The following PDE1A variants were observed in gnomAD, a reference collection of about 807,000 sequenced individuals.
The protein encoded by PDE1A is dual specificity calcium/calmodulin-dependent 3',5'-cyclic nucleotide phosphodiesterase 1A.
Under a neutral mutation model 61.7 loss-of-function variants are expected in PDE1A, and 35 were observed. That is an observed-to-expected ratio of 0.57 (90% CI 0.43 to 0.75). PDE1A has a LOEUF of 0.75. Ranked by LOEUF, PDE1A falls within the 30% of genes least tolerant of loss-of-function variation. The probability of loss-of-function intolerance (pLI) is 0.00; values close to 1 mark genes in which losing one functional copy is unlikely to be tolerated. For missense variants in PDE1A, 597 were observed against 630.6 expected, an observed-to-expected ratio of 0.95 and a Z score of 0.57; for synonymous variants, 232 against 213.2, an observed-to-expected ratio of 1.09 and a Z score of -0.77.
chr2:182,201,667 C>CAA (rs775589655), intron 9 of PDE1A, 21 bp downstream of exon 9: 2 of 1,186,582 alleles, frequency 1.7e-6, no homozygotes, highest in Non-Finnish European at 1.2e-6. Context: ...AAAAAAACAA[C>CAA]AAAAAAAACA....
chr2:182,372,174 C>T (rs1008186392), intron 1 of PDE1A, among the ~76,000 whole-genome samples: 5 of 152,168 alleles, frequency 3.3e-5, no homozygotes, highest in East Asian at 1.9e-4. Flanking sequence ...GTGAGTTTTC[C>T]GAAGATACAG....
chr2:182,651,496 G>A, the PDE1A span, among the ~76,000 whole-genome samples: 2 of 152,140 alleles, frequency 1.3e-5, no homozygotes, highest in Non-Finnish European at 2.9e-5. Flanking sequence ...AGTTAGAACA[G>A]ACAAAAATAT....
At chr2:182,671,621 C>CTTTTTTTT in the PDE1A span, among the ~76,000 whole-genome samples, 2 of 124,312 alleles carry the variant, frequency 1.6e-5, no homozygotes, top group East Asian at 2.4e-4. Context: ...CTTTCTTTTT[C>CTTTTTTTT]TTTTTTTTTT....
chr2:182,489,971 C>T (rs1171982461), intron 2 of PDE1A, among the ~76,000 whole-genome samples: 2 of 93,856 alleles, frequency 2.1e-5, no homozygotes, highest in Non-Finnish European at 4.4e-5. Context: ...CTGGGACATT[C>T]CAAAATTCCA....
chr2:182,228,606 A>G (rs899961351), intron 6 of PDE1A, among the ~76,000 whole-genome samples: 1 of 152,194 alleles, frequency 6.6e-6, no homozygotes, highest in African/African-American at 2.4e-5. Context: ...TTTTTAATGT[A>G]GAGAAAACTT....
intron 2 of PDE1A, among the ~76,000 whole-genome samples, chr2:182,486,824 A>T (rs535368248): frequency 6.6e-6 from 1 of 152,304 alleles, no homozygotes; most frequent in Admixed American, 6.5e-5. Flanking sequence ...AATATTACAA[A>T]GACTTCTAGT....
At chr2:182,203,158 AC>A (rs1686807678) in intron 8 of PDE1A, among the ~76,000 whole-genome samples, 1 of 152,032 alleles carries the variant, frequency 6.6e-6, no homozygotes, top group Non-Finnish European at 1.5e-5. Flanking sequence ...TACTAAAAAT[AC>A]AAAAAAAAAA....
upstream of PDE1A, among the ~76,000 whole-genome samples, chr2:182,428,289 C>A (rs2125620812): frequency 6.6e-6 from 1 of 152,044 alleles, no homozygotes; most frequent in African/African-American, 2.4e-5. Flanking sequence ...TATTTCTTTC[C>A]AGCTTTAATG....
intron 1 of PDE1A, among the ~76,000 whole-genome samples, chr2:182,305,415 G>A (rs1695515623): frequency 6.6e-6 from 1 of 152,042 alleles, no homozygotes; most frequent in South Asian, 2.1e-4. Context: ...AGATGAGCCT[G>A]TGTTTCAATA....
chr2:182,366,747 TC>T (rs1254291017), intron 1 of PDE1A, among the ~76,000 whole-genome samples: 1 of 152,052 alleles, frequency 6.6e-6, no homozygotes, highest in Non-Finnish European at 1.5e-5. Flanking sequence ...TACTATGGTA[TC>T]CCGCTTCTAT....
chr2:182,688,981 C>T, the PDE1A span, among the ~76,000 whole-genome samples: 767 of 152,194 alleles, frequency 5.0e-3, 12 homozygotes, highest in African/African-American at 0.018. Context: ...GAGCTAACTA[C>T]CCTAAATATA....
At chr2:182,156,763 C>T (rs1691104261) in intron 13 of PDE1A, among the ~76,000 whole-genome samples, 1 of 152,010 alleles carries the variant, frequency 6.6e-6, no homozygotes, top group African/African-American at 2.4e-5. Context: ...AGCAGCAAGG[C>T]CTGCACAAGT....
At chr2:182,317,429 C>A (rs1330758316) in intron 1 of PDE1A, among the ~76,000 whole-genome samples, 4 of 152,088 alleles carry the variant, frequency 2.6e-5, no homozygotes, top group Non-Finnish European at 4.4e-5. Context: ...AAGTATTATG[C>A]ATGCCATGGC....
chr2:182,184,654 G>C (rs181390521), intron 13 of PDE1A, among the ~76,000 whole-genome samples: 1 of 152,186 alleles, frequency 6.6e-6, no homozygotes, highest in East Asian at 1.9e-4. Flanking sequence ...ATATCATAAG[G>C]GTAAATATGT....
chr2:182,200,516 G>C (rs757038203), intron 10 of PDE1A, among the ~76,000 whole-genome samples: 2 of 152,268 alleles, frequency 1.3e-5, no homozygotes, highest in East Asian at 3.9e-4. Flanking sequence ...GGTGGTACTC[G>C]CTAACTCCAC....
At chr2:182,391,254 T>C (rs1305506649) in intron 1 of PDE1A, among the ~76,000 whole-genome samples, 1 of 152,228 alleles carries the variant, frequency 6.6e-6, no homozygotes, top group East Asian at 1.9e-4. Flanking sequence ...GTTATATTGA[T>C]ATGGGCCCTC....
the PDE1A span, among the ~76,000 whole-genome samples, chr2:182,664,997 A>T: frequency 6.6e-6 from 1 of 152,232 alleles, no homozygotes; most frequent in Non-Finnish European, 1.5e-5. Context: ...AGTTGTTAGG[A>T]CATCTTCTTT....
chr2:182,663,168 A>T, the PDE1A span, among the ~76,000 whole-genome samples: 1 of 152,226 alleles, frequency 6.6e-6, no homozygotes, highest in African/African-American at 2.4e-5. Context: ...TATTACTAAA[A>T]AGCCAAAAAA....
chr2:182,333,291 C>G (rs1353685795), intron 1 of PDE1A, among the ~76,000 whole-genome samples: 1 of 152,138 alleles, frequency 6.6e-6, no homozygotes, highest in Non-Finnish European at 1.5e-5. Context: ...TTCTCAGCAC[C>G]ACATCACACT....
Sources: allele counts gnomAD v4.1 joint callset (sites outside exome capture counted in the v4.1 genomes callset), GRCh38; gene constraint gnomAD v4.1.1; transcripts MANE v1.5; gene names NCBI Gene and HGNC (gene_info 2026-07-23, HGNC 2026-07-21).